Variants in UGT1A8 observed in about 807,000 individuals in gnomAD.
The protein encoded by UGT1A8 is UDP-glucuronosyltransferase 1A8.
Under a neutral mutation model 45.3 loss-of-function variants are expected in UGT1A8, and 39 were observed. The observed-to-expected ratio is 0.86, with a 90% CI of 0.67 to 1.12. The LOEUF (loss-of-function observed/expected upper bound fraction) is 1.12. Among genes scored for constraint, UGT1A8 ranks in the 50% most tolerant of loss-of-function variants. The pLI, the probability that UGT1A8 is intolerant of heterozygous loss-of-function variation, is 0.00. For synonymous variants in UGT1A8, 275 were observed against 249.2 expected, an observed-to-expected ratio of 1.10 and a Z score of -0.97; for missense variants, 719 against 664.9, an observed-to-expected ratio of 1.08 and a Z score of -0.90.
intron 1 of UGT1A8, among the ~76,000 whole-genome samples, chr2:233,726,759 A>G (rs763773622): frequency 6.6e-6 from 1 of 152,232 alleles, no homozygotes; most frequent in South Asian, 2.1e-4. Flanking sequence ...TGCCTACCAC[A>G]GACACTAAGC....
chr2:233,737,494 C>G (rs1180844627), intron 1 of UGT1A8, among the ~76,000 whole-genome samples: 1 of 152,208 alleles, frequency 6.6e-6, no homozygotes, highest in Admixed American at 6.5e-5. Context: ...AGGGAAATCC[C>G]TCACCCTCTT....
In UGT1A8 at chr2:233,719,159, T is replaced by C. The variant is rs28898610; in HGVS notation, c.856-47875T>C. 5.1e-4 allele frequency: 822 copies of C among 1,614,244 alleles called. 5 individuals are homozygous for C. The African/African-American group carries it at 9.5e-3, about 19-fold the overall frequency. ...ATCTTCTGAAGAGATATTCTAGAAG[T>C]ATGGCAATTATGAACAATGTATCTT... On this transcript the variant is annotated intron_variant, in intron 1 of 4. Transcript: ENST00000373450.
chr2:233,651,436 T>C (rs1172213162), intron 1 of UGT1A8, among the ~76,000 whole-genome samples: 5 of 152,188 alleles, frequency 3.3e-5, no homozygotes, highest in Non-Finnish European at 1.5e-5. Flanking sequence ...AAAATACATG[T>C]TTTTTTGTAT....
chr2:233,661,153 C>T (rs2073955632), intron 1 of UGT1A8, among the ~76,000 whole-genome samples: 1 of 145,632 alleles, frequency 6.9e-6, no homozygotes. Flanking sequence ...GATGTAATGA[C>T]TCTAGTTTCA....
intron 1 of UGT1A8, chr2:233,690,588 G>GAAAA: frequency 8.9e-7 from 1 of 1,125,264 alleles, no homozygotes; most frequent in Non-Finnish European, 1.2e-6. Flanking sequence ...CAATCCCTGA[G>GAAAA]AAAAAAAAAA....
At chr2:233,719,439 T>C (rs2076766360) in intron 1 of UGT1A8, 1 of 1,613,970 alleles carries the variant, frequency 6.2e-7, no homozygotes, top group Non-Finnish European at 8.5e-7. Context: ...CCACATGACA[T>C]TCCTGCAAAG....
chr2:233,638,593 A>G (rs2073366614), intron 1 of UGT1A8, among the ~76,000 whole-genome samples: 2 of 152,224 alleles, frequency 1.3e-5, no homozygotes, highest in South Asian at 2.1e-4. Context: ...GAAAAATACC[A>G]GAATAAGATT....
chr2:233,767,793 GT>G, intron 2 of UGT1A8, 55 bp from the exon 3 acceptor site: 2 of 1,613,932 alleles, frequency 1.2e-6, no homozygotes, highest in Non-Finnish European at 1.7e-6. Context: ...TAGCAGATTT[GT>G]TTTCTAATCA....
rs772152340 is a variant in UGT1A8, at chr2:233,672,241, C to T, written c.855+53679C>T. 3.7e-6 allele frequency: 6 copies of T among 1,613,836 alleles called. No homozygotes were observed. In the African/African-American group the frequency reaches 4.0e-5, roughly 11 times the overall value. On this transcript the variant is annotated intron_variant, in intron 1 of 4. Coordinates refer to ENST00000373450, the MANE Select transcript of UGT1A8 (RefSeq NM_019076.5). ...CCATGCTCAATGGAAAGCACAAGTA[C>T]GAAGTATATATTCTCTATTAATGGG...
intron 1 of UGT1A8, among the ~76,000 whole-genome samples, chr2:233,670,671 T>G (rs2074166342): frequency 6.6e-6 from 1 of 152,186 alleles, no homozygotes; most frequent in Non-Finnish European, 1.5e-5. Context: ...TTCTCACAGA[T>G]TCATATCTTG....
Position 233,769,206 on chromosome 2 carries a change from G to A in UGT1A8, c.1295+767G>A, listed in dbSNP as rs1699814631. 6.6e-6 allele frequency among the ~76,000 whole-genome samples: 1 copy of A among 152,206 alleles called. No homozygotes were observed. Among genetic ancestry groups the A allele is most frequent in the South Asian group, 2.1e-4 (1 of 4,832 alleles). On this transcript the variant is annotated intron_variant, in intron 4 of 4. Coordinates refer to ENST00000373450, the MANE Select transcript of UGT1A8 (RefSeq NM_019076.5). This position sits in a 1 kb window ranked among gnomAD's most constrained non-coding sequence, Gnocchi z 4.4. The stretch of plus-strand genomic sequence containing the variant: ...AATGAAGGAGCTATAAGATATCACA[G>A]ACAAAGTCTTAGAATAAGAGCAAAG...
intron 1 of UGT1A8, among the ~76,000 whole-genome samples, chr2:233,670,302 A>G (rs2125499174): frequency 6.6e-6 from 1 of 152,292 alleles, no homozygotes; most frequent in Non-Finnish European, 1.5e-5. Context: ...AGGGGGAAGA[A>G]GTGGAGGAAG....
At chr2:233,718,362 C>T (rs1203132382) in intron 1 of UGT1A8, among the ~76,000 whole-genome samples, 5 of 152,178 alleles carry the variant, frequency 3.3e-5, no homozygotes, top group Non-Finnish European at 7.4e-5. Flanking sequence ...CTGTGTTATT[C>T]ACATATGAGA....
At chr2:233,756,397 G>GT (rs1005447677) in intron 1 of UGT1A8, 19 of 151,974 alleles carry the variant, frequency 1.3e-4, no homozygotes, top group Admixed American at 5.2e-4. Flanking sequence ...TACAGTATTG[G>GT]TTTTTTATTT....
At chr2:233,671,685 C>T (rs1009545370) in intron 1 of UGT1A8, among the ~76,000 whole-genome samples, 4 of 152,222 alleles carry the variant, frequency 2.6e-5, no homozygotes, top group Admixed American at 2.6e-4. Context: ...CAGCACAGGG[C>T]ATGTTCTGCC....
intron 1 of UGT1A8, among the ~76,000 whole-genome samples, chr2:233,666,395 C>T (rs1006985987): frequency 3.3e-5 from 5 of 152,112 alleles, no homozygotes; most frequent in East Asian, 1.9e-4. Flanking sequence ...GCTATTTTAA[C>T]GGGATGTGGA....
At chr2:233,669,618 A>G (rs2074141210) in intron 1 of UGT1A8, among the ~76,000 whole-genome samples, 1 of 152,196 alleles carries the variant, frequency 6.6e-6, no homozygotes, top group African/African-American at 2.4e-5. Context: ...CCCTTGAAGA[A>G]TGTGAGGATT....
In UGT1A8 at chr2:233,724,671, T is replaced by C. The variant is rs376440949; in HGVS notation, c.856-42363T>C. On this transcript the variant is annotated intron_variant, in intron 1 of 4. Coordinates refer to ENST00000373450, the MANE Select transcript of UGT1A8 (RefSeq NM_019076.5). ...CTGGGAAGAGGCGCTCCTCACTTCC[T>C]AGATGGGATGGCGGCCGGGTGAAGA... 3.9e-4 allele frequency among the ~76,000 whole-genome samples: 56 copies of C among 142,288 alleles called. 1 individual carries two copies. Among genetic ancestry groups the C allele is most frequent in the Non-Finnish European group, 7.5e-4 (49 of 65,750 alleles). The allele number at this position is 142,288 out of a possible 152,430, so 93.3% of individuals were successfully genotyped here.
rs758488581 is a variant in UGT1A8 at position 233,618,175 on chromosome 2, T to A, written c.468T>A (p.Ile156=). Residue 156 remains isoleucine, a synonymous_variant, in exon 1 of 5, where the codon ATT becomes ATA. Coordinates refer to ENST00000373450, the MANE Select transcript of UGT1A8 (RefSeq NM_019076.5). ...FLDPFDACGL[I]VAKYFSLPSV... ...ATCCTTTTGATGCCTGTGGCTTAAT[T>A]GTTGCCAAATATTTCTCCCTCCCCT... is the stretch of plus-strand genomic sequence containing the variant. 2 of 1,614,132 alleles carry A rather than the reference T, an allele frequency of 1.2e-6. No individual in the cohort carries two copies. The highest frequency in any genetic ancestry group is 2.2e-5 in the South Asian group (2 of 91,074).
Sources: allele counts gnomAD v4.1 joint callset (sites outside exome capture counted in the v4.1 genomes callset), GRCh38; gene constraint gnomAD v4.1.1; non-coding constraint Gnocchi (gnomAD v3.1); transcripts MANE v1.5; gene names NCBI Gene and HGNC (gene_info 2026-07-23, HGNC 2026-07-21).